SERPINF1: variants seen among roughly 807,000 people sequenced by gnomAD.
SERPINF1 encodes the protein pigment epithelium-derived factor.
Under a neutral mutation model 37.3 loss-of-function variants are expected in SERPINF1, and 29 were observed. The observed-to-expected ratio is 0.78, with a 90% CI of 0.58 to 1.06. The LOEUF (loss-of-function observed/expected upper bound fraction) is 1.06. Ranked by LOEUF, SERPINF1 falls within the 50% of genes least tolerant of loss-of-function variation. The pLI is 0.00. For missense variants in SERPINF1, 553 were observed against 532.2 expected, an observed-to-expected ratio of 1.04 and a Z score of -0.38; for synonymous variants, 281 against 227.9, an observed-to-expected ratio of 1.23 and a Z score of -2.10.
At position 1,771,957 on chromosome 17, in the gene SERPINF1, G is replaced by A. The variant is rs1907768727; in HGVS notation, c.525G>A (p.Leu175=). The A allele has an allele frequency of 6.2e-7, 1 of 1,613,858 alleles. No individual in the cohort carries two copies. Among genetic ancestry groups the A allele is most frequent in the Non-Finnish European group, 8.5e-7 (1 of 1,180,014 alleles). ...RPRVLTGNPR[L]DLQEINNWVQ... ...GAGTCCTGACGGGCAACCCTCGCTT[G>A]GACCTGCAAGAGATCAACAACTGGG... Residue 175 remains leucine (L), a synonymous_variant, in exon 5 of 8, where the codon TTG becomes TTA. Coordinates refer to ENST00000254722, the MANE Select transcript of SERPINF1 (RefSeq NM_002615.7).
At position 1,777,466 on chromosome 17, in the gene SERPINF1, A is replaced by T; in HGVS notation, c.*20A>T. 1 of 1,613,890 alleles carries T rather than the reference A, an allele frequency of 6.2e-7. No homozygotes were observed. Among genetic ancestry groups the T allele is most frequent in the South Asian group, 1.1e-5 (1 of 91,066 alleles). On this transcript the variant is annotated 3_prime_UTR_variant, in exon 8 of 8. Coordinates refer to ENST00000254722, the MANE Select transcript of SERPINF1 (RefSeq NM_002615.7). The stretch of plus-strand genomic sequence containing the variant: ...CCCTAATATCCCAGTTTAATATTCC[A>T]ATACCCTAGAAGAAAACCCGAGGGA...
chr17:1,766,819 T>C lies in SERPINF1; in HGVS notation c.-8-84T>C. ...TGACTAGCCCTGCCCAACCCCTGGG[T>C]CCTGGCTGGGGTGGCCAGGAAGGGG... On this transcript the variant is annotated intron_variant, in intron 1 of 7. Transcript: ENST00000254722. The C allele has an allele frequency of 9.6e-6, 13 of 1,352,354 alleles. No homozygotes were observed. The South Asian group carries it at 1.6e-4, about 17-fold the overall frequency. The allele number at this position is 1,352,354 out of a possible 1,614,324, so 83.8% of individuals were successfully genotyped here.
chr17:1,770,155 G>A (rs183323774), intron 3 of SERPINF1, 105 bp downstream of exon 3: 7 of 1,286,314 alleles, frequency 5.4e-6, no homozygotes, highest in Non-Finnish European at 6.6e-6. Flanking sequence ...AGCGAGGGGT[G>A]AAGTAGCACC....
intron 6 of SERPINF1, 61 bp downstream of exon 6, chr17:1,775,261 A>G: frequency 1.3e-6 from 2 of 1,544,078 alleles, no homozygotes; most frequent in Non-Finnish European, 1.8e-6. Context: ...GAAGCAAAAC[A>G]GGGTAGTGGG....
Position 1,771,103 on chromosome 17 carries a change from G to T in SERPINF1, c.358G>T (p.Gly120Cys), listed in dbSNP as rs771857832. Reference sequence around the variant, plus strand: ...CTTGATCAGCAGCCCAGACATCCATGGTACCTATAAGGAGCTCCTTGACAC... The same window carrying T: ...CTTGATCAGCAGCCCAGACATCCATTGTACCTATAAGGAGCTCCTTGACAC... ...YDLISSPDIH[G>C]TYKELLDTVT... The change falls in exon 4 of 8, where the codon GGT becomes TGT. Residue 120 changes from glycine to cysteine, a missense_variant. By Grantham distance (159) the Gly-to-Cys change is radical. Coordinates refer to ENST00000254722, the MANE Select transcript of SERPINF1 (RefSeq NM_002615.7). 1.9e-6 allele frequency: 3 copies of T among 1,614,042 alleles called. No individual in the cohort carries two copies. Among genetic ancestry groups the T allele is most frequent in the Admixed American group, 3.3e-5 (2 of 59,994 alleles).
chr17:1,766,694 G>A, intron 1 of SERPINF1: 2 of 577,404 alleles, frequency 3.5e-6, no homozygotes, highest in Non-Finnish European at 3.1e-6. Context: ...AGGGGGAGGG[G>A]CGGGAGAACC....
At chr17:1,766,734 G>T in intron 1 of SERPINF1, 169 bp from the exon 2 acceptor site, 1 of 623,336 alleles carries the variant, frequency 1.6e-6, no homozygotes, top group South Asian at 1.9e-5. Context: ...ATCAAGCTGA[G>T]GGTCCACTTC....
rs748573375 is a variant in SERPINF1, at chr17:1,769,938, T to G, written c.171T>G (p.Ala57=). The G allele has an allele frequency of 6.2e-7, 1 of 1,614,200 alleles. No individual in the cohort carries two copies. The highest frequency in any genetic ancestry group is 2.2e-5 in the East Asian group (1 of 44,896). Residue 57 remains alanine (A), a synonymous_variant, in exon 3 of 8, where the codon GCT becomes GCG. Transcript: ENST00000254722. ...FKVPVNKLAA[A]VSNFGYDLYR... ...TCCCCGTGAACAAGCTGGCAGCGGCTGTCTCCAACTTCGGCTATGACCTGT... is the reference window on the plus strand; with the variant it reads ...TCCCCGTGAACAAGCTGGCAGCGGCGGTCTCCAACTTCGGCTATGACCTGT...
At chr17:1,774,053 C>G (rs1244673714) in intron 5 of SERPINF1, among the ~76,000 whole-genome samples, 1 of 152,166 alleles carries the variant, frequency 6.6e-6, no homozygotes, top group African/African-American at 2.4e-5. Context: ...AGAGCGTCAG[C>G]CAGTTACTTC....
chr17:1,765,732 C>T (rs1186320374), intron 1 of SERPINF1, among the ~76,000 whole-genome samples: 1 of 152,048 alleles, frequency 6.6e-6, no homozygotes, highest in African/African-American at 2.4e-5. Context: ...TGGCATGCGC[C>T]TGCAGTCCCA....
intron 1 of SERPINF1, among the ~76,000 whole-genome samples, chr17:1,764,275 G>C (rs1360760902): frequency 1.3e-5 from 2 of 152,226 alleles, no homozygotes; most frequent in Non-Finnish European, 2.9e-5. Context: ...TTCTCTTCTA[G>C]CCTTGCCTCC....
intron 6 of SERPINF1, 106 bp from the exon 7 acceptor site, chr17:1,776,426 C>T (rs1018891149): frequency 1.3e-5 from 13 of 990,174 alleles, no homozygotes; most frequent in East Asian, 4.8e-5. Context: ...GGATGAAGGA[C>T]GAGACCAGGG....
intron 5 of SERPINF1, among the ~76,000 whole-genome samples, chr17:1,772,542 C>T (rs1015528136): frequency 6.6e-6 from 1 of 151,710 alleles, no homozygotes; most frequent in African/African-American, 2.4e-5. Flanking sequence ...TGAGCCACCG[C>T]GCCCGGCCCT....
chr17:1,776,821 G>C (rs867626560), intron 7 of SERPINF1, 79 bp downstream of exon 7: 1 of 1,323,860 alleles, frequency 7.6e-7, no homozygotes, highest in Non-Finnish European at 1.1e-6. Context: ...GTGCTAAGCA[G>C]AACGCAAGGG....
intron 5 of SERPINF1, 21 bp from the exon 6 acceptor site, chr17:1,775,037 A>G (rs373059164): frequency 3.7e-6 from 6 of 1,614,064 alleles, no homozygotes; most frequent in East Asian, 4.5e-5. Flanking sequence ...GGCTCAGACT[A>G]TGTCATACAC....
At chr17:1,769,706 C>A in intron 2 of SERPINF1, 146 bp from the exon 3 acceptor site, 1 of 836,136 alleles carries the variant, frequency 1.2e-6, no homozygotes, top group Non-Finnish European at 2.0e-6. Flanking sequence ...AAAACTCATT[C>A]CCGTTTTAGG....
intron 6 of SERPINF1, 26 bp from the exon 7 acceptor site, chr17:1,776,506 A>G: frequency 6.2e-7 from 1 of 1,612,432 alleles, no homozygotes. Flanking sequence ...TGAAGGACTA[A>G]CCACATGCTT....
intron 1 of SERPINF1, among the ~76,000 whole-genome samples, chr17:1,764,121 G>A (rs1907234297): frequency 6.6e-6 from 1 of 152,216 alleles, no homozygotes; most frequent in South Asian, 2.1e-4. Flanking sequence ...GGTGGAAGTT[G>A]CACTGAGCTG....
chr17:1,764,845 C>CT (rs11483374), intron 1 of SERPINF1, among the ~76,000 whole-genome samples: 50,383 of 131,840 alleles, frequency 0.38, 9,985 homozygotes, highest in East Asian at 0.56. Context: ...TTTTTTTTTC[C>CT]TTTTTTTTTT....
Sources: allele counts gnomAD v4.1 joint callset (sites outside exome capture counted in the v4.1 genomes callset), GRCh38; gene constraint gnomAD v4.1.1; transcripts MANE v1.5; gene names NCBI Gene and HGNC (gene_info 2026-07-23, HGNC 2026-07-21).